FAM135B: variants seen among roughly 807,000 people sequenced by gnomAD.
FAM135B encodes the protein family with sequence similarity 135 member B.
A neutral mutation model predicts 127.7 loss-of-function variants in FAM135B; 43 were observed. The observed-to-expected ratio is 0.34, with a 90% confidence interval of 0.26 to 0.43. The LOEUF is 0.43. FAM135B is among the 20% of genes least tolerant of loss of function. The pLI, the probability that FAM135B is intolerant of heterozygous loss-of-function variation, is 1.00. For synonymous variants in FAM135B, 670 were observed against 665.1 expected (o/e 1.01, Z -0.11); for missense variants, 1,558 against 1,725.6 (o/e 0.90, Z 1.72).
Position 138,242,919 on chromosome 8 carries a change from C to G in FAM135B, c.669+23G>C, listed in dbSNP as rs749140263. 2 of 1,597,426 alleles carry G rather than the reference C, an allele frequency of 1.3e-6. No individual in the cohort carries two copies. The highest frequency in any genetic ancestry group is 1.1e-5 in the South Asian group (1 of 87,718). ...AAAGTAAAGTTTGAAAGTTTTGAAG[C>G]AACTGCCCCACACAGGCCTTACCTC... On this transcript the variant is annotated intron_variant, in intron 7 of 19. Transcript: ENST00000395297. The surrounding 1 kb of genome is among the most constrained non-coding windows in gnomAD (Gnocchi z 9.6).
intron 7 of FAM135B, among the ~76,000 whole-genome samples, chr8:138,233,140 A>G (rs1378097609): frequency 2.0e-5 from 3 of 152,224 alleles, no homozygotes; most frequent in African/African-American, 4.8e-5. Flanking sequence ...AGAAAGAAGT[A>G]CAAAGCTGCA....
intron 7 of FAM135B, among the ~76,000 whole-genome samples, chr8:138,236,914 G>A (rs1820317998): frequency 2.6e-5 from 4 of 152,032 alleles, no homozygotes; most frequent in Non-Finnish European, 5.9e-5. Context: ...CACACAGTAG[G>A]GGCTAAATAA....
intron 11 of FAM135B, among the ~76,000 whole-genome samples, chr8:138,172,741 T>C (rs1349632233): frequency 6.6e-6 from 1 of 152,182 alleles, no homozygotes; most frequent in Non-Finnish European, 1.5e-5. Flanking sequence ...GAAAGGGAGC[T>C]GAGTAAATAA....
intron 2 of FAM135B, among the ~76,000 whole-genome samples, chr8:138,350,907 T>C (rs1374728832): frequency 6.6e-6 from 1 of 152,212 alleles, no homozygotes; most frequent in African/African-American, 2.4e-5. Flanking sequence ...TCATATCTAA[T>C]GTCGTTGCCA....
chr8:138,172,026 G>A lies in FAM135B; in HGVS notation c.1104-3977C>T, dbSNP rs536831931. Among the ~76,000 whole-genome samples the A allele has an allele frequency of 1.4e-4, 21 of 152,304 alleles. No homozygotes were observed. In the South Asian group the frequency reaches 4.1e-3, roughly 30 times the overall value. ...GTTATTGCTGCATGCACAAGTGCAT[G>A]TTTACGTGTATGTGTTTTCTGGTGT... On this transcript the variant is annotated intron_variant, in intron 11 of 19. Transcript: ENST00000395297.
chr8:138,296,435 T>C (rs897963945), intron 3 of FAM135B, among the ~76,000 whole-genome samples: 6 of 152,222 alleles, frequency 3.9e-5, no homozygotes, highest in Admixed American at 2.6e-4. Flanking sequence ...TTTTAGGCAA[T>C]GGAGCTCCTT....
intron 3 of FAM135B, among the ~76,000 whole-genome samples, chr8:138,266,785 CACACACAT>C (rs1045976086): frequency 1.9e-4 from 1 of 5,330 alleles, no homozygotes; most frequent in Non-Finnish European, 1.0e-3. Context: ...TATACACACA[CACACACAT>C]ACACACACAT....
chr8:138,153,210 T>G lies in FAM135B; in HGVS notation c.1265A>C (p.Asn422Thr), dbSNP rs1407161622. Residue 422 changes from asparagine (N) to threonine (T), a missense_variant, in exon 13 of 20, where the codon AAC becomes ACC. Around this residue, in one of 5 missense-constraint regions of FAM135B, gnomAD observed 923 missense variants for 865.3 expected, o/e 1.07. Transcript: ENST00000395297. ...RYVDCPATGH[N>T]LSVYPNFDVP... ...ATCAAAATTAGGATAAACACTCAAG[T>G]TATGCCCTACAAAAAAAAAAGAAAG... 4 of 1,505,350 alleles carry G rather than the reference T, an allele frequency of 2.7e-6. No homozygotes were observed. In the Admixed American group the frequency reaches 9.7e-5, roughly 37 times the overall value. 93.2% of individuals were successfully genotyped at this position (1,505,350 alleles called of 1,614,324 possible).
At chr8:138,206,923 C>T (rs113712239) in intron 7 of FAM135B, among the ~76,000 whole-genome samples, 2 of 54,662 alleles carry the variant, frequency 3.7e-5, no homozygotes, top group African/African-American at 6.7e-5. Flanking sequence ...CATCCCCTCC[C>T]CCTACCCACA....
intron 1 of FAM135B, among the ~76,000 whole-genome samples, chr8:138,436,568 C>T (rs1835468718): frequency 1.3e-5 from 2 of 152,208 alleles, no homozygotes; most frequent in Admixed American, 1.3e-4. Flanking sequence ...CCTCCTCCCA[C>T]AATCAAAGAC....
intron 7 of FAM135B, among the ~76,000 whole-genome samples, chr8:138,198,208 C>T (rs1192277268): frequency 6.6e-6 from 1 of 152,206 alleles, no homozygotes; most frequent in East Asian, 1.9e-4. Context: ...GGCAGTTCCC[C>T]TGCACATGCT....
intron 1 of FAM135B, among the ~76,000 whole-genome samples, chr8:138,427,123 A>G (rs1239778332): frequency 6.6e-6 from 1 of 151,966 alleles, no homozygotes; most frequent in Non-Finnish European, 1.5e-5. Context: ...GTTATAACTC[A>G]GGATTGTAAA....
rs1331344941 is a variant in FAM135B at position 138,345,778 on chromosome 8, T to G, written c.77+22129A>C. The stretch of plus-strand genomic sequence containing the variant: ...AATTCGCCAAAGGAAAATCAGACTC[T>G]GCCTTGGAAGGGCTCCCATAACATC... On this transcript the variant is annotated intron_variant, in intron 2 of 19. Coordinates refer to ENST00000395297, the MANE Select transcript of FAM135B (RefSeq NM_015912.4). 2.6e-5 allele frequency among the ~76,000 whole-genome samples: 4 copies of G among 152,202 alleles called. No homozygotes were observed. In the East Asian group the frequency reaches 7.7e-4, roughly 29 times the overall value.
intron 19 of FAM135B, among the ~76,000 whole-genome samples, chr8:138,134,288 A>T (rs535377002): frequency 1.3e-5 from 2 of 152,334 alleles, no homozygotes; most frequent in African/African-American, 4.8e-5. Flanking sequence ...AGAATAATGA[A>T]TAAATGTTGC....
At chr8:138,306,676 G>A (rs1241124235) in intron 3 of FAM135B, among the ~76,000 whole-genome samples, 2 of 151,486 alleles carry the variant, frequency 1.3e-5, no homozygotes, top group South Asian at 2.1e-4. Context: ...TCTGCCTCCC[G>A]GGTTCAAGCA....
chr8:138,321,478 T>A (rs748891738), intron 2 of FAM135B, among the ~76,000 whole-genome samples: 5 of 152,180 alleles, frequency 3.3e-5, no homozygotes, highest in African/African-American at 7.2e-5. Context: ...TGCCCACACG[T>A]CTGGGCGAAA....
chr8:138,373,893 T>C (rs1478778384), intron 1 of FAM135B, among the ~76,000 whole-genome samples: 1 of 152,186 alleles, frequency 6.6e-6, no homozygotes. Context: ...TGTCTCCTGA[T>C]AAGATGTTAT....
At chr8:138,212,412 CAAAAAGGAAATAAGAGGG>C (rs1221389961) in intron 7 of FAM135B, among the ~76,000 whole-genome samples, 1 of 152,014 alleles carries the variant, frequency 6.6e-6, no homozygotes, top group Non-Finnish European at 1.5e-5. Context: ...GACTGAGGCA[CAAAAAGGAAATAAGAGGG>C]AAAAAGGAAA....
intron 12 of FAM135B, among the ~76,000 whole-genome samples, chr8:138,154,525 T>C (rs7818870): frequency 0.69 from 105,400 of 151,850 alleles, 36,614 homozygotes; most frequent in East Asian, 0.77. Context: ...AAACCCTCCA[T>C]AAAGAAGGTA....
Sources: allele counts gnomAD v4.1 joint callset (sites outside exome capture counted in the v4.1 genomes callset), GRCh38; gene constraint gnomAD v4.1.1; regional missense constraint gnomAD v4.1.1; non-coding constraint Gnocchi (gnomAD v3.1); transcripts MANE v1.5; gene names NCBI Gene and HGNC (gene_info 2026-07-23, HGNC 2026-07-21).